Variants in CACNG4 observed in about 807,000 individuals in gnomAD.
CACNG4 encodes voltage-dependent calcium channel gamma-4 subunit.
Under a neutral mutation model 22.9 loss-of-function variants are expected in CACNG4, and 8 were observed. The observed-to-expected ratio is 0.35, with a 90% CI of 0.21 to 0.63. CACNG4 has a LOEUF of 0.63. Among genes scored for constraint, CACNG4 ranks in the 30% least tolerant of loss-of-function variants. CACNG4 has a pLI of 0.72. For missense variants in CACNG4, 357 were observed against 455.4 expected, an observed-to-expected ratio of 0.78 and a Z score of 1.97; for synonymous variants, 188 against 191.9, an observed-to-expected ratio of 0.98 and a Z score of 0.17.
chr17:67,024,348 G>A (rs979798714), intron 2 of CACNG4, among the ~76,000 whole-genome samples: 3 of 152,180 alleles, frequency 2.0e-5, no homozygotes, highest in Non-Finnish European at 4.4e-5. Flanking sequence ...TTTTGGAGAG[G>A]GAAAGTGACT....
rs1306561741 is a variant in CACNG4 at position 67,031,779 on chromosome 17, G to A, written c.*775G>A. 4.4e-6 allele frequency: 2 copies of A among 456,748 alleles called. No homozygotes were observed. Among genetic ancestry groups the A allele is most frequent in the Non-Finnish European group, 8.8e-6 (2 of 226,984 alleles). The allele number at this position is 456,748 out of a possible 1,614,324, so 28.3% of individuals were successfully genotyped here. A position where few individuals can be genotyped will look rare whatever the true frequency, so the allele number is the denominator to read the frequency against. ...CACTGACTGGACTTCAGAGTCTGGA[G>A]GGTTCCATCGGTCAGGGGAATGGCG... On this transcript the variant is annotated 3_prime_UTR_variant, in exon 4 of 4. Coordinates refer to ENST00000262138, the MANE Select transcript of CACNG4 (RefSeq NM_014405.4). The surrounding 1 kb of genome is among the most constrained non-coding windows in gnomAD (Gnocchi z 4.0).
intron 1 of CACNG4, among the ~76,000 whole-genome samples, chr17:66,995,367 T>C (rs955846911): frequency 6.6e-6 from 1 of 152,262 alleles, no homozygotes; most frequent in Admixed American, 6.5e-5. Flanking sequence ...CAGCCTCTCA[T>C]GAAGCCTGAG....
chr17:67,018,843 G>T, intron 2 of CACNG4, among the ~76,000 whole-genome samples: 1 of 152,074 alleles, frequency 6.6e-6, no homozygotes, highest in Non-Finnish European at 1.5e-5. Flanking sequence ...TTTCAGCACC[G>T]CCTCTGCCCA....
At chr17:67,025,867 G>A (rs543677360) in intron 3 of CACNG4, among the ~76,000 whole-genome samples, 1 of 152,356 alleles carries the variant, frequency 6.6e-6, no homozygotes, top group African/African-American at 2.4e-5. Flanking sequence ...GCTGGCTCCA[G>A]CTCTGCAGCC....
rs910801681 is a variant in CACNG4 at position 66,974,140 on chromosome 17, G to C, written c.220+9009G>C. 7.9e-5 allele frequency among the ~76,000 whole-genome samples: 12 copies of C among 152,314 alleles called. 1 individual carries two copies. In the South Asian group the frequency reaches 2.3e-3, roughly 29 times the overall value. ...ATAGAAAAATCAAGTAGGAAAATGAGAGATGATGGCTGCGTCCAGCTAGTG... is the reference window on the plus strand; with the variant it reads ...ATAGAAAAATCAAGTAGGAAAATGACAGATGATGGCTGCGTCCAGCTAGTG... On this transcript the variant is annotated intron_variant, in intron 1 of 3. Transcript: ENST00000262138.
In CACNG4 at chr17:67,031,306, TC is replaced by T. The variant is rs1418343883; in HGVS notation, c.*303del. ...CTTTCCTGAGGCTGCCTGGCCTTGA[TC>T]AACTTGGGAAGACAAAATTGAGCCA... On this transcript the variant is annotated 3_prime_UTR_variant, in exon 4 of 4. Coordinates refer to ENST00000262138, the MANE Select transcript of CACNG4 (RefSeq NM_014405.4). The surrounding 1 kb of genome is among the most constrained non-coding windows in gnomAD (Gnocchi z 4.0). 1 of 590,038 alleles carries T rather than the reference TC, an allele frequency of 1.7e-6. No individual in the cohort carries two copies. The highest frequency in any genetic ancestry group is 3.2e-6 in the Non-Finnish European group (1 of 314,270). 36.6% of individuals were successfully genotyped at this position (590,038 alleles called of 1,614,324 possible). A position where few individuals can be genotyped will look rare whatever the true frequency, so the allele number is the denominator to read the frequency against.
rs368051218 is a variant in CACNG4, at chr17:66,982,249, CTGCTGATTGGTCCGTTTTACAGCA to C, written c.220+17132_220+17155del. Among the ~76,000 whole-genome samples, 1,228 of 152,320 alleles carry C rather than the reference CTGCTGATTGGTCCGTTTTACAGCA, an allele frequency of 8.1e-3. 19 individuals carry two copies. Among genetic ancestry groups the C allele is most frequent in the African/African-American group, 0.028 (1,169 of 41,562 alleles). ...TCCTTTATTTGTCCCCGCCCATGTC[CTGCTGATTGGTCCGTTTTACAGCA>C]TGCTGATTGGTCCATTTTACAGTGT... is the stretch of plus-strand genomic sequence containing the variant. On this transcript the variant is annotated intron_variant, in intron 1 of 3. Transcript: ENST00000262138.
At chr17:66,985,951 AAAGAAG>A (rs559157203) in intron 1 of CACNG4, among the ~76,000 whole-genome samples, 74 of 147,714 alleles carry the variant, frequency 5.0e-4, no homozygotes, top group Admixed American at 3.1e-3. Flanking sequence ...AGGAAAAAAA[AAAGAAG>A]AAGAAGAAGA....
In CACNG4 at chr17:66,968,814, C is replaced by CCTCTTT. The variant is rs140678807; in HGVS notation, c.220+3691_220+3696dup. Among the ~76,000 whole-genome samples the CCTCTTT allele has an allele frequency of 1.4e-3, 201 of 142,932 alleles. 1 individual carries two copies. The highest frequency in any genetic ancestry group is 5.0e-3 in the African/African-American group (186 of 37,482). The allele number at this position is 142,932 out of a possible 152,430, so 93.8% of individuals were successfully genotyped here. A position where few individuals can be genotyped will look rare whatever the true frequency, so the allele number is the denominator to read the frequency against. ...TCTCTCCTTTTCTTTCCTCCCTTTTCCTCTTTCTCTTTCAGTCTTTGTCTA... is the reference window on the plus strand; with the variant it reads ...TCTCTCCTTTTCTTTCCTCCCTTTTCCTCTTTCTCTTTCTCTTTCAGTCTTTGTCTA... On this transcript the variant is annotated intron_variant, in intron 1 of 3. Transcript: ENST00000262138.
At chr17:67,002,618 T>TTCTCTCTCTC (rs58727233) in intron 1 of CACNG4, among the ~76,000 whole-genome samples, 64 of 145,532 alleles carry the variant, frequency 4.4e-4, no homozygotes, top group Admixed American at 8.2e-4. Context: ...ATCTCTCTCT[T>TTCTCTCTCTC]TCTCTCTCTC....
Position 67,027,197 on chromosome 17 carries a change from G to C in CACNG4, c.445+2197G>C, listed in dbSNP as rs1223338096. 6.6e-6 allele frequency among the ~76,000 whole-genome samples: 1 copy of C among 152,178 alleles called. No homozygotes were observed. Among genetic ancestry groups the C allele is most frequent in the East Asian group, 1.9e-4 (1 of 5,190 alleles). Reference sequence around the variant, plus strand: ...AGTGGCAAAGACATGCTGTGCCCAGGGCTGCCAGCCTCCAAAGCCCTTCGA... The same window carrying C: ...AGTGGCAAAGACATGCTGTGCCCAGCGCTGCCAGCCTCCAAAGCCCTTCGA... On this transcript the variant is annotated intron_variant, in intron 3 of 3. Coordinates refer to ENST00000262138, the MANE Select transcript of CACNG4 (RefSeq NM_014405.4). The surrounding 1 kb of genome is among the most constrained non-coding windows in gnomAD (Gnocchi z 4.3).
At chr17:67,017,819 T>G (rs1251453613) in intron 1 of CACNG4, among the ~76,000 whole-genome samples, 1 of 151,982 alleles carries the variant, frequency 6.6e-6, no homozygotes, top group Non-Finnish European at 1.5e-5. Flanking sequence ...CCCAGCCTGT[T>G]TTTTATTTTT....
At chr17:66,995,630 T>C (rs1027019492) in intron 1 of CACNG4, among the ~76,000 whole-genome samples, 1 of 152,056 alleles carries the variant, frequency 6.6e-6, no homozygotes, top group Non-Finnish European at 1.5e-5. Flanking sequence ...GGCAGGCAGA[T>C]CATGAGGTCA....
At chr17:66,979,792 C>G (rs1483714966) in intron 1 of CACNG4, among the ~76,000 whole-genome samples, 1 of 147,594 alleles carries the variant, frequency 6.8e-6, no homozygotes, top group East Asian at 2.0e-4. Context: ...CTCTGTAGCC[C>G]AGGCTGGAGT....
rs529153284 is a variant in CACNG4, at chr17:66,982,042, C to T, written c.220+16911C>T. ...TGATTCATTCTGATAGGTTTATGGGCTCGCTGACCTCAAGAATGAAGCCAT... is the reference window on the plus strand; with the variant it reads ...TGATTCATTCTGATAGGTTTATGGGTTCGCTGACCTCAAGAATGAAGCCAT... On this transcript the variant is annotated intron_variant, in intron 1 of 3. Transcript: ENST00000262138. 5.3e-4 allele frequency among the ~76,000 whole-genome samples: 80 copies of T among 152,278 alleles called. 2 individuals carry two copies. The South Asian group carries it at 0.016, about 31-fold the overall frequency.
Position 66,964,869 on chromosome 17 carries a change from C to CGGCGG in CACNG4, c.-41_-37dup. The CGGCGG allele has an allele frequency of 8.3e-7, 1 of 1,211,740 alleles. No homozygotes were observed. Among genetic ancestry groups the CGGCGG allele is most frequent in the Non-Finnish European group, 1.0e-6 (1 of 962,146 alleles). 75.1% of individuals were successfully genotyped at this position (1,211,740 alleles called of 1,614,324 possible). A position where few individuals can be genotyped will look rare whatever the true frequency, so the allele number is the denominator to read the frequency against. ...GCGGAGGGAGGAGGGCGGGCGGGCG[C>CGGCGG]GGCGGGCCGGGCCGGCGGGCGGCGG... On this transcript the variant is annotated 5_prime_UTR_variant, in exon 1 of 4. Coordinates refer to ENST00000262138, the MANE Select transcript of CACNG4 (RefSeq NM_014405.4).
At chr17:67,026,587 GTGTC>G (rs989834407) in intron 3 of CACNG4, among the ~76,000 whole-genome samples, 1 of 150,654 alleles carries the variant, frequency 6.6e-6, no homozygotes, top group African/African-American at 2.5e-5. Flanking sequence ...GTGTGTGTGT[GTGTC>G]TGAGGAGTGT....
intron 1 of CACNG4, among the ~76,000 whole-genome samples, chr17:66,980,037 A>G (rs528291828): frequency 1.3e-5 from 2 of 152,282 alleles, no homozygotes; most frequent in East Asian, 3.9e-4. Flanking sequence ...TACAGGCATG[A>G]GCCACTGCAC....
At chr17:66,971,991 T>C (rs1346636862) in intron 1 of CACNG4, among the ~76,000 whole-genome samples, 1 of 152,096 alleles carries the variant, frequency 6.6e-6, no homozygotes, top group Non-Finnish European at 1.5e-5. Flanking sequence ...CTGGACATTG[T>C]GGCAGACTGG....
Sources: gnomAD v4.1 joint callset for allele counts (sites outside exome capture counted in the v4.1 genomes callset) on GRCh38, gnomAD v4.1.1 for gene constraint, Gnocchi (gnomAD v3.1) non-coding constraint, MANE v1.5 for transcripts, NCBI Gene and HGNC (gene_info 2026-07-23, HGNC 2026-07-21) for gene names.